STPG4: variants seen among roughly 807,000 people sequenced by gnomAD.
The protein encoded by STPG4 is protein STPG4.
In STPG4, 41 loss-of-function variants were observed where a neutral mutation model predicts 31.5. That is an observed-to-expected ratio of 1.30 (90% CI 1.01 to 1.69). The LOEUF is 1.69. Among genes scored for constraint, STPG4 ranks in the 40% most tolerant of loss-of-function variants. STPG4 has a pLI of 0.00. For missense variants in STPG4, 375 were observed against 293.4 expected, an observed-to-expected ratio of 1.28 and a Z score of -2.03; for synonymous variants, 141 against 103.0, an observed-to-expected ratio of 1.37 and a Z score of -2.24.
intron 5 of STPG4, among the ~76,000 whole-genome samples, chr2:47,118,460 T>C (rs537560516): frequency 3.3e-5 from 5 of 152,304 alleles, no homozygotes; most frequent in East Asian, 1.9e-4. Flanking sequence ...TCATTATATA[T>C]TACAATGTAA....
intron 3 of STPG4, among the ~76,000 whole-genome samples, chr2:47,138,398 T>C (rs1468585685): frequency 6.6e-6 from 1 of 151,954 alleles, no homozygotes; most frequent in Non-Finnish European, 1.5e-5. Context: ...TTAAGGTTTT[T>C]TTTTTTTTTT....
Position 47,103,935 on chromosome 2 carries a change from C to G in STPG4, c.520-13561G>C, listed in dbSNP as rs569016244. Among the ~76,000 whole-genome samples, 57 of 152,134 alleles carry G rather than the reference C, an allele frequency of 3.7e-4. 1 individual carries two copies. Among genetic ancestry groups the G allele is most frequent in the African/African-American group, 1.3e-3 (52 of 41,402 alleles). On this transcript the variant is annotated intron_variant, in intron 5 of 6. Coordinates refer to ENST00000445927, the MANE Select transcript of STPG4 (RefSeq NM_001163561.2). Reference sequence around the variant, plus strand: ...GACTATCCTCAAGATCCATTACCATCTGAGGAATCCTGGGACAGTCTGTAA... The same window carrying G: ...GACTATCCTCAAGATCCATTACCATGTGAGGAATCCTGGGACAGTCTGTAA...
intron 5 of STPG4, among the ~76,000 whole-genome samples, chr2:47,112,425 C>A (rs1449516791): frequency 6.6e-6 from 1 of 151,680 alleles, no homozygotes; most frequent in Non-Finnish European, 1.5e-5. Context: ...CCCACCTCGG[C>A]CTCCCAAAGT....
At position 47,153,022 on chromosome 2, in the gene STPG4, AACAAAC is replaced by A. The variant is rs1417633260; in HGVS notation, c.82-12_82-7del. 4 of 1,604,352 alleles carry A rather than the reference AACAAAC, an allele frequency of 2.5e-6. No homozygotes were observed. The highest frequency in any genetic ancestry group is 1.3e-5 in the African/African-American group (1 of 74,778). On this transcript the variant is annotated splice_polypyrimidine_tract_variant and splice_region_variant and intron_variant, in intron 1 of 6. Transcript: ENST00000445927. The stretch of plus-strand genomic sequence containing the variant: ...GAAGTCTTTTGGGCTGGTTTCTGTT[AACAAAC>A]ACAAAGTATGCTTATTCATTTGAGA...
At chr2:47,093,631 C>G (rs1412953537) in intron 5 of STPG4, among the ~76,000 whole-genome samples, 2 of 152,210 alleles carry the variant, frequency 1.3e-5, no homozygotes, top group African/African-American at 2.4e-5. Flanking sequence ...TGGTCTCAAG[C>G]TGCCTGGGAG....
At chr2:47,114,502 A>G (rs1231682621) in intron 5 of STPG4, among the ~76,000 whole-genome samples, 11 of 152,138 alleles carry the variant, frequency 7.2e-5, no homozygotes, top group African/African-American at 2.7e-4. Flanking sequence ...GCAAGACTCT[A>G]TCTCAAAAAT....
chr2:47,096,034 C>T (rs1405608309), intron 5 of STPG4, among the ~76,000 whole-genome samples: 6 of 152,152 alleles, frequency 3.9e-5, no homozygotes, highest in Non-Finnish European at 8.8e-5. Flanking sequence ...CTGCCGACTG[C>T]AGAGACTGTA....
At chr2:47,095,083 C>G (rs4952868) in intron 5 of STPG4, among the ~76,000 whole-genome samples, 1 of 152,140 alleles carries the variant, frequency 6.6e-6, no homozygotes, top group African/African-American at 2.4e-5. Context: ...TGTTAGGCAT[C>G]AAATTCTATA....
At chr2:47,104,084 C>T (rs907100882) in intron 5 of STPG4, among the ~76,000 whole-genome samples, 1 of 151,936 alleles carries the variant, frequency 6.6e-6, no homozygotes, top group Non-Finnish European at 1.5e-5. Context: ...AAGGCTGGAG[C>T]TATTATCTAC....
chr2:47,153,089 A>C, intron 1 of STPG4, 73 bp from the exon 2 acceptor site: 1 of 1,197,632 alleles, frequency 8.3e-7, no homozygotes, highest in Non-Finnish European at 1.2e-6. Context: ...TTTATAAAAC[A>C]TTTGCTTGAA....
intron 5 of STPG4, among the ~76,000 whole-genome samples, chr2:47,122,152 T>C (rs1163531836): frequency 6.6e-6 from 1 of 152,212 alleles, no homozygotes; most frequent in Non-Finnish European, 1.5e-5. Flanking sequence ...TATTTATGAA[T>C]TGTCTATTTA....
chr2:47,153,155 T>C lies in STPG4; in HGVS notation c.82-139A>G, dbSNP rs186501017. Reference sequence around the variant, plus strand: ...CTTCATTAAAATAAAAGCTACATAATAATAAATTTGCCCATATTTCCTTAA... The same window carrying C: ...CTTCATTAAAATAAAAGCTACATAACAATAAATTTGCCCATATTTCCTTAA... On this transcript the variant is annotated intron_variant, in intron 1 of 6. Coordinates refer to ENST00000445927, the MANE Select transcript of STPG4 (RefSeq NM_001163561.2). 20 of 561,794 alleles carry C rather than the reference T, an allele frequency of 3.6e-5. No homozygotes were observed. The African/African-American group carries it at 3.8e-4, about 11-fold the overall frequency. The allele number at this position is 561,794 out of a possible 1,614,324, so 34.8% of individuals were successfully genotyped here.
intron 5 of STPG4, among the ~76,000 whole-genome samples, chr2:47,102,168 C>T (rs1479731518): frequency 7.2e-6 from 1 of 137,960 alleles, no homozygotes; most frequent in African/African-American, 2.9e-5. Context: ...GGTTCTTGGG[C>T]AGGGGTTGTT....
intron 5 of STPG4, among the ~76,000 whole-genome samples, chr2:47,096,358 C>A (rs1176650083): frequency 6.6e-6 from 1 of 152,162 alleles, no homozygotes; most frequent in African/African-American, 2.4e-5. Flanking sequence ...TTGTGGGAAG[C>A]TGTGTTGGGA....
At chr2:47,145,722 CTG>C (rs1686808619) in intron 3 of STPG4, among the ~76,000 whole-genome samples, 1 of 152,202 alleles carries the variant, frequency 6.6e-6, no homozygotes, top group African/African-American at 2.4e-5. Flanking sequence ...TCATCAGACA[CTG>C]TTCTAGACAG....
intron 1 of STPG4, among the ~76,000 whole-genome samples, chr2:47,154,736 C>T (rs1686996213): frequency 6.6e-6 from 1 of 152,122 alleles, no homozygotes; most frequent in African/African-American, 2.4e-5. Flanking sequence ...AAAAGAAAAA[C>T]GTAGCAAAAG....
intron 5 of STPG4, among the ~76,000 whole-genome samples, chr2:47,105,466 C>T (rs1168583521): frequency 6.6e-6 from 1 of 152,036 alleles, no homozygotes; most frequent in Non-Finnish European, 1.5e-5. Context: ...GGGACTGGTG[C>T]TTCAAATACA....
intron 5 of STPG4, among the ~76,000 whole-genome samples, chr2:47,116,839 G>C (rs1164700401): frequency 1.3e-5 from 2 of 152,126 alleles, no homozygotes; most frequent in African/African-American, 2.4e-5. Context: ...GTTAAATCAA[G>C]GGTGGTATAT....
At position 47,114,766 on chromosome 2, in the gene STPG4, T is replaced by A. The variant is rs1028672816; in HGVS notation, c.519+15175A>T. 2.0e-5 allele frequency among the ~76,000 whole-genome samples: 3 copies of A among 149,924 alleles called. No individual in the cohort carries two copies. The Admixed American group carries it at 2.0e-4, about 10-fold the overall frequency. On this transcript the variant is annotated intron_variant, in intron 5 of 6. Coordinates refer to ENST00000445927, the MANE Select transcript of STPG4 (RefSeq NM_001163561.2). ...TTAAACGATCATCCAACAATACATT[T>A]TTTTATTTTTATTTTTTTTAAGACA...
Sources: gnomAD v4.1 joint callset for allele counts (sites outside exome capture counted in the v4.1 genomes callset) on GRCh38, gnomAD v4.1.1 for gene constraint, MANE v1.5 for transcripts, NCBI Gene and HGNC (gene_info 2026-07-23, HGNC 2026-07-21) for gene names.